AFTPH: variants seen among roughly 807,000 people sequenced by gnomAD.
AFTPH encodes aftiphilin protein.
In AFTPH, 7 loss-of-function variants were observed where a neutral mutation model predicts 72.5. The ratio of observed to expected loss-of-function variants is 0.10; its 90% CI spans 0.05 to 0.18. AFTPH has a LOEUF of 0.18. Among genes scored for constraint, AFTPH ranks in the 10% least tolerant of loss-of-function variants. The pLI, the probability that AFTPH is intolerant of heterozygous loss-of-function variation, is 1.00. For missense variants in AFTPH, 979 were observed against 1,060.5 expected, an observed-to-expected ratio of 0.92 and a Z score of 1.07; for synonymous variants, 337 against 370.1, an observed-to-expected ratio of 0.91 and a Z score of 1.03.
intron 3 of AFTPH, among the ~76,000 whole-genome samples, chr2:64,568,442 C>G (rs1382946525): frequency 1.3e-5 from 2 of 152,130 alleles, no homozygotes; most frequent in African/African-American, 2.4e-5. Context: ...TGGTTTCAGT[C>G]TGGGCTTACA....
chr2:64,531,079 A>AG (rs1254983875), intron 1 of AFTPH, among the ~76,000 whole-genome samples: 1 of 150,394 alleles, frequency 6.6e-6, no homozygotes, highest in Admixed American at 6.6e-5. Flanking sequence ...AAAAAAAAAA[A>AG]AACACCACAA....
chr2:64,573,120 T>G, intron 6 of AFTPH, 52 bp downstream of exon 6: 1 of 1,356,864 alleles, frequency 7.4e-7, no homozygotes, highest in South Asian at 1.4e-5. Flanking sequence ...TATACACATA[T>G]ATCCACACAT....
At position 64,558,523 on chromosome 2, in the gene AFTPH, A is replaced by G. The variant is rs148309397; in HGVS notation, c.1935+5114A>G. Among the ~76,000 whole-genome samples the G allele has an allele frequency of 6.6e-5, 10 of 152,362 alleles. No homozygotes were observed. The East Asian group carries it at 1.7e-3, about 26-fold the overall frequency. ...CAAAGAACAAGAAACATAATTACTT[A>G]CCCAGTTTTTGGTGAATCAGTGAGT... is the stretch of plus-strand genomic sequence containing the variant. On this transcript the variant is annotated intron_variant, in intron 2 of 8. Coordinates refer to ENST00000238856, the Ensembl canonical transcript of AFTPH.
chr2:64,559,741 G>A (rs1201552732), intron 2 of AFTPH, among the ~76,000 whole-genome samples: 2 of 152,044 alleles, frequency 1.3e-5, no homozygotes, highest in Non-Finnish European at 2.9e-5. Flanking sequence ...GTCCCATTCC[G>A]TTGCCCAGCC....
At chr2:64,549,688 G>C (rs977856429) in intron 1 of AFTPH, among the ~76,000 whole-genome samples, 2 of 151,724 alleles carry the variant, frequency 1.3e-5, no homozygotes, top group African/African-American at 4.8e-5. Flanking sequence ...TTTCATTTAA[G>C]AATTAAATGT....
In AFTPH at chr2:64,572,800, T is replaced by G. The variant is rs1460481801; in HGVS notation, c.2272-146T>G. 8.2e-6 allele frequency: 9 copies of G among 1,094,630 alleles called. No homozygotes were observed. In the East Asian group the frequency reaches 2.1e-4, roughly 26 times the overall value. 67.8% of individuals were successfully genotyped at this position (1,094,630 alleles called of 1,614,324 possible). On this transcript the variant is annotated intron_variant, in intron 5 of 8. Transcript: ENST00000238856. ...CCTGGGCAACTAGTGAGACCTTGTC[T>G]CTTAAAAAAAAAAAAAGACTAGTTC...
At chr2:64,567,682 A>G (rs560760178) in exon 3 of AFTPH, 18 of 1,613,638 alleles carry the variant, frequency 1.1e-5, no homozygotes, top group South Asian at 7.7e-5. Context: ...CACTTTGCCA[A>G]TAAAAACGAG....
At chr2:64,559,767 T>C (rs762214100) in intron 2 of AFTPH, among the ~76,000 whole-genome samples, 20 of 152,178 alleles carry the variant, frequency 1.3e-4, no homozygotes, top group Non-Finnish European at 2.6e-4. Context: ...TGTAGTGGCA[T>C]GGTCTCTGCT....
intron 8 of AFTPH, among the ~76,000 whole-genome samples, chr2:64,589,944 T>TG (rs55695023): frequency 1.3e-4 from 17 of 127,514 alleles, no homozygotes; most frequent in African/African-American, 3.8e-4. Context: ...AATACATATA[T>TG]GGGGGGGGGG....
At chr2:64,560,740 G>A (rs1398883527) in intron 2 of AFTPH, among the ~76,000 whole-genome samples, 3 of 152,176 alleles carry the variant, frequency 2.0e-5, no homozygotes, top group African/African-American at 7.2e-5. Flanking sequence ...AGGCATGGTG[G>A]TGTGCGGCTG....
chr2:64,588,959 C>T (rs184549201), intron 8 of AFTPH, among the ~76,000 whole-genome samples: 1 of 152,274 alleles, frequency 6.6e-6, no homozygotes, highest in East Asian at 1.9e-4. Context: ...ATTCTGGATA[C>T]TAAGCCTTTA....
intron 2 of AFTPH, among the ~76,000 whole-genome samples, chr2:64,553,973 A>C (rs920183939): frequency 6.6e-6 from 1 of 152,164 alleles, no homozygotes; most frequent in Non-Finnish European, 1.5e-5. Flanking sequence ...AACTAGAAAA[A>C]AGCAAGTTTT....
chr2:64,526,211 G>A (rs928777422), intron 1 of AFTPH, among the ~76,000 whole-genome samples: 5 of 152,224 alleles, frequency 3.3e-5, no homozygotes, highest in African/African-American at 9.6e-5. Context: ...ATTGTATAGT[G>A]TGGGTGAATC....
chr2:64,559,841 A>T (rs936705364), intron 2 of AFTPH, among the ~76,000 whole-genome samples: 3 of 152,098 alleles, frequency 2.0e-5, no homozygotes, highest in African/African-American at 7.2e-5. Context: ...AGTAGCTGAG[A>T]CTACAGGTGT....
intron 5 of AFTPH, among the ~76,000 whole-genome samples, chr2:64,570,588 A>G (rs984826089): frequency 5.3e-5 from 8 of 152,158 alleles, no homozygotes; most frequent in Admixed American, 3.3e-4. Context: ...AAACATTTTG[A>G]TGATCCCCAC....
intron 1 of AFTPH, among the ~76,000 whole-genome samples, chr2:64,528,438 G>A (rs542783566): frequency 2.0e-5 from 3 of 152,144 alleles, no homozygotes; most frequent in Admixed American, 1.3e-4. Context: ...ACACATTTGT[G>A]TACATATTTG....
intron 2 of AFTPH, among the ~76,000 whole-genome samples, chr2:64,559,606 C>G (rs1671594542): frequency 2.0e-5 from 3 of 152,218 alleles, no homozygotes; most frequent in Admixed American, 1.3e-4. Context: ...GGCCTACCCA[C>G]ATTAGGGAGG....
At chr2:64,543,152 T>C (rs1670361193) in intron 1 of AFTPH, among the ~76,000 whole-genome samples, 1 of 152,238 alleles carries the variant, frequency 6.6e-6, no homozygotes, top group Non-Finnish European at 1.5e-5. Flanking sequence ...CTGATGACTT[T>C]TTATATGCTG....
intron 1 of AFTPH, among the ~76,000 whole-genome samples, chr2:64,539,867 C>T (rs1188132104): frequency 1.3e-5 from 2 of 152,104 alleles, no homozygotes; most frequent in African/African-American, 4.8e-5. Context: ...TGAATAGGCA[C>T]ATCTCTTTCA....
Sources: gnomAD v4.1 joint callset for allele counts (sites outside exome capture counted in the v4.1 genomes callset) on GRCh38, gnomAD v4.1.1 for gene constraint, MANE v1.5 for transcripts, NCBI Gene and HGNC (gene_info 2026-07-23, HGNC 2026-07-21) for gene names.